Variants in ABCB9 observed in about 807,000 individuals in gnomAD.
ABCB9 encodes the protein ATP binding cassette subfamily B member 9, also known as ABC-type oligopeptide transporter ABCB9.
ABCB9 carries 36 observed loss-of-function variants against 62.0 expected under a neutral mutation model. The ratio of observed to expected loss-of-function variants is 0.58; its 90% CI spans 0.45 to 0.77. ABCB9 has a LOEUF of 0.77. Ranked by LOEUF, ABCB9 falls within the 30% of genes least tolerant of loss-of-function variation. ABCB9 has a pLI of 0.00. For missense variants in ABCB9, 943 were observed against 1,054.7 expected, an observed-to-expected ratio of 0.89 and a Z score of 1.47; for synonymous variants, 435 against 461.4, an observed-to-expected ratio of 0.94 and a Z score of 0.73.
chr12:122,944,563 T>A lies in ABCB9; in HGVS notation c.1252-44A>T, dbSNP rs753345391. 6.2e-7 allele frequency: 1 copy of A among 1,601,102 alleles called. No individual in the cohort carries two copies. Among genetic ancestry groups the A allele is most frequent in the Non-Finnish European group, 8.5e-7 (1 of 1,172,766 alleles). ...GGATGTGGGTCGAGGGGACCTTAGA[T>A]CCCCCACCATCCCCATTCCCTGACC... On this transcript the variant is annotated intron_variant, in intron 6 of 11. Transcript: ENST00000280560. The surrounding 1 kb of genome is among the most constrained non-coding windows in gnomAD (Gnocchi z 4.9).
chr12:122,920,588 T>G (rs1007978091), downstream of ABCB9, among the ~76,000 whole-genome samples: 1 of 152,090 alleles, frequency 6.6e-6, no homozygotes, highest in Non-Finnish European at 1.5e-5. Flanking sequence ...ATAGACTTGT[T>G]GTGAGGATTA....
At chr12:122,933,284 T>C (rs181335651) in intron 10 of ABCB9, among the ~76,000 whole-genome samples, 4 of 152,286 alleles carry the variant, frequency 2.6e-5, no homozygotes, top group Admixed American at 2.6e-4. Flanking sequence ...TAATCCGGGC[T>C]GAGCACGGTG....
Position 122,940,175 on chromosome 12 carries a change from C to G in ABCB9, c.1679G>C (p.Gly560Ala). The change falls in exon 9 of 12, where the codon GGG becomes GCG. Residue 560 changes from glycine (G) to alanine (A), a missense_variant. Gly to Ala is a moderately conservative substitution (Grantham distance 60). Transcript: ENST00000280560. This position sits in a 1 kb window ranked among gnomAD's most constrained non-coding sequence, Gnocchi z 4.8. Reference sequence around the variant, plus strand: ...CTTGCCGTCCAGCAGCACCCGGCCCCCCTCCAGGGGGTAGAAGTTCTCCAG... The same window carrying G: ...CTTGCCGTCCAGCAGCACCCGGCCCGCCTCCAGGGGGTAGAAGTTCTCCAG... ...NILENFYPLE[G>A]GRVLLDGKPI... is the part of the protein sequence containing the mutation. 1 of 1,613,692 alleles carries G rather than the reference C, an allele frequency of 6.2e-7. No homozygotes were observed. Among genetic ancestry groups the G allele is most frequent in the South Asian group, 1.1e-5 (1 of 90,980 alleles).
At chr12:122,965,597 G>C (rs537224955) in intron 1 of ABCB9, among the ~76,000 whole-genome samples, 3 of 152,214 alleles carry the variant, frequency 2.0e-5, no homozygotes, top group African/African-American at 7.2e-5. Context: ...AGAGAGGCGC[G>C]AGGTGCCCTC....
Position 122,930,105 on chromosome 12 carries a change from T to C in ABCB9, c.2107A>G (p.Thr703Ala), listed in dbSNP as rs1372965959. 3 of 1,557,144 alleles carry C rather than the reference T, an allele frequency of 1.9e-6. No individual in the cohort carries two copies. Among genetic ancestry groups the C allele is most frequent in the South Asian group, 2.4e-5 (2 of 84,398 alleles). The change falls in exon 12 of 12, where the codon ACC becomes GCC. Residue 703 changes from threonine to alanine, a missense_variant. Transcript: ENST00000280560. The surrounding 1 kb of genome is among the most constrained non-coding windows in gnomAD (Gnocchi z 4.9). ...ACAATGAGGTGCGCGTGCTCCACGG[T>C]GCTCAGCCGGTGCGCGATGATGAGT... ...TVLIIAHRLS[T>A]VEHAHLIVVL...
At chr12:122,968,850 G>C (rs2037239035), upstream of ABCB9, among the ~76,000 whole-genome samples, 1 of 151,974 alleles carries the variant, frequency 6.6e-6, no homozygotes, top group African/African-American at 2.4e-5. Flanking sequence ...CCTGACTTCA[G>C]GTGATCCACC....
At chr12:122,949,947 C>G in intron 3 of ABCB9, 29 bp from the exon 4 acceptor site, 3 of 1,613,428 alleles carry the variant, frequency 1.9e-6, no homozygotes, top group Non-Finnish European at 1.7e-6. Flanking sequence ...TATTATAGCA[C>G]GATGTCCTTC....
intron 2 of ABCB9, chr12:122,951,049 T>C (rs534032380): frequency 6.8e-6 from 1 of 146,360 alleles, no homozygotes; most frequent in South Asian, 2.1e-4. Flanking sequence ...GGTCTCACTA[T>C]GTGGCCCAAG....
rs1241644065 is a variant in ABCB9, at chr12:122,944,335, C to G, written c.1380+56G>C. The G allele has an allele frequency of 5.2e-6, 8 of 1,546,186 alleles. No individual in the cohort carries two copies. The highest frequency in any genetic ancestry group is 1.4e-5 in the African/African-American group (1 of 73,302). The stretch of plus-strand genomic sequence containing the variant: ...GCCCCGCCCCCACCCTGTTAAGATC[C>G]CTCTTCCCCAAACTCCTCCCTTCTC... On this transcript the variant is annotated intron_variant, in intron 7 of 11. Transcript: ENST00000280560. The surrounding 1 kb of genome is among the most constrained non-coding windows in gnomAD (Gnocchi z 4.9).
Position 122,964,087 on chromosome 12 carries a change from C to T in ABCB9, c.-88+2200G>A, listed in dbSNP as rs1023515298. 2.0e-5 allele frequency among the ~76,000 whole-genome samples: 3 copies of T among 152,218 alleles called. No individual in the cohort carries two copies. The highest frequency in any genetic ancestry group is 4.4e-5 in the Non-Finnish European group (3 of 68,040). On this transcript the variant is annotated intron_variant, in intron 1 of 11. Coordinates refer to ENST00000280560, the MANE Select transcript of ABCB9 (RefSeq NM_019625.4). The surrounding 1 kb of genome is among the most constrained non-coding windows in gnomAD (Gnocchi z 4.7). The stretch of plus-strand genomic sequence containing the variant: ...TGCCGGCTGCACCAGGTGCTGCCAG[C>T]CGCCTCAGCTGCTGCTCTCCTCGTG...
downstream of ABCB9, among the ~76,000 whole-genome samples, chr12:122,928,524 C>G (rs2034971863): frequency 6.6e-6 from 1 of 151,944 alleles, no homozygotes. Context: ...GAGCCCTCCT[C>G]CTGGGACCCC....
chr12:122,961,086 A>T (rs933148518), intron 1 of ABCB9, among the ~76,000 whole-genome samples: 1 of 151,952 alleles, frequency 6.6e-6, no homozygotes, highest in East Asian at 1.9e-4. Context: ...TTTTTTAATT[A>T]AAAAAAGAGA....
downstream of ABCB9, among the ~76,000 whole-genome samples, chr12:122,928,738 C>G (rs1160133561): frequency 6.6e-6 from 1 of 152,118 alleles, no homozygotes; most frequent in African/African-American, 2.4e-5. Flanking sequence ...CCGGGAAGCA[C>G]AGAGGCCCCT....
Position 122,935,429 on chromosome 12 carries a change from G to C in ABCB9, c.1746C>G (p.Ile582Met). Residue 582 changes from isoleucine to methionine, a missense_variant and splice_region_variant, in exon 10 of 12, where the codon ATC becomes ATG. By Grantham distance (10) the Ile-to-Met change is conservative (BLOSUM62 1). Coordinates refer to ENST00000280560, the MANE Select transcript of ABCB9 (RefSeq NM_019625.4). ...AYDHKYLHRV[I>M]SLVSQEPVLF... ...GCACGGGCTCCTGGCTCACCAGGGAGATCTGGGGAGGAGGGAGCATGGAGC... is the reference window on the plus strand; with the variant it reads ...GCACGGGCTCCTGGCTCACCAGGGACATCTGGGGAGGAGGGAGCATGGAGC... 6.2e-7 allele frequency: 1 copy of C among 1,612,952 alleles called. No individual in the cohort carries two copies. Among genetic ancestry groups the C allele is most frequent in the Non-Finnish European group, 8.5e-7 (1 of 1,179,558 alleles).
At chr12:122,935,209 G>T in intron 10 of ABCB9, 63 bp downstream of exon 10, 1 of 1,493,594 alleles carries the variant, frequency 6.7e-7, no homozygotes, top group Non-Finnish European at 8.9e-7. Flanking sequence ...GCTTAACTCA[G>T]AGGGTTATGT....
Position 122,932,115 on chromosome 12 carries a change from C to G in ABCB9, c.2040+77G>C. 1 of 1,547,836 alleles carries G rather than the reference C, an allele frequency of 6.5e-7. No homozygotes were observed. The highest frequency in any genetic ancestry group is 8.7e-7 in the Non-Finnish European group (1 of 1,146,136). The stretch of plus-strand genomic sequence containing the variant: ...CCTGGGGCCCGTCTCTTCTCAGCAT[C>G]CATCTGCTGGGCGATGGGGGCTCTG... On this transcript the variant is annotated intron_variant, in intron 11 of 11. Coordinates refer to ENST00000280560, the MANE Select transcript of ABCB9 (RefSeq NM_019625.4). This position sits in a 1 kb window ranked among gnomAD's most constrained non-coding sequence, Gnocchi z 4.7.
chr12:122,957,477 G>C (rs1003913543), intron 2 of ABCB9, among the ~76,000 whole-genome samples: 2 of 152,138 alleles, frequency 1.3e-5, no homozygotes, highest in Admixed American at 1.3e-4. Context: ...GAGCAGGACA[G>C]GGATTTGTGC....
rs534682651 is a variant in ABCB9 at position 122,955,550 on chromosome 12, G to A, written c.601+4085C>T. On this transcript the variant is annotated intron_variant, in intron 2 of 11. Transcript: ENST00000280560. ...GCTCAGGACCTGGGAGGGGAGGCAG[G>A]AGGGTGAATGCATACATAACAGGGT... 5.3e-5 allele frequency among the ~76,000 whole-genome samples: 8 copies of A among 152,310 alleles called. No homozygotes were observed. In the East Asian group the frequency reaches 1.4e-3, roughly 26 times the overall value.
intron 7 of ABCB9, among the ~76,000 whole-genome samples, chr12:122,941,831 T>A (rs1263557661): frequency 1.3e-5 from 2 of 151,826 alleles, no homozygotes; most frequent in African/African-American, 4.8e-5. Flanking sequence ...TTCAAGCAAT[T>A]CTCCAACCTC....
Sources: allele counts gnomAD v4.1 joint callset (sites outside exome capture counted in the v4.1 genomes callset), GRCh38; gene constraint gnomAD v4.1.1; non-coding constraint Gnocchi (gnomAD v3.1); transcripts MANE v1.5; gene names NCBI Gene and HGNC (gene_info 2026-07-23, HGNC 2026-07-21).